KIF1B: variants seen among roughly 807,000 people sequenced by gnomAD.
KIF1B encodes the protein kinesin-like protein KIF1B.
In KIF1B, 76 loss-of-function variants were observed where a neutral mutation model predicts 241.9. The ratio of observed to expected loss-of-function variants is 0.31; its 90% CI spans 0.26 to 0.38. KIF1B has a LOEUF of 0.38. Among genes scored for constraint, KIF1B ranks in the 10% least tolerant of loss-of-function variants. KIF1B has a pLI of 1.00. For synonymous variants in KIF1B, 750 were observed against 796.7 expected (o/e 0.94, Z 0.99); for missense variants, 1,622 against 2,271.4 (o/e 0.71, Z 5.81).
intron 2 of KIF1B, among the ~76,000 whole-genome samples, chr1:10,249,264 C>T (rs144838142): frequency 3.9e-5 from 6 of 152,182 alleles, no homozygotes; most frequent in Non-Finnish European, 5.9e-5. Context: ...TATTTTAGCT[C>T]AGTTGACCTT....
intron 34 of KIF1B, among the ~76,000 whole-genome samples, chr1:10,343,684 G>A (rs1489465683): frequency 6.6e-6 from 1 of 152,138 alleles, no homozygotes; most frequent in African/African-American, 2.4e-5. Context: ...CTTGAACCGG[G>A]GAGGTGGAGG....
At chr1:10,243,246 G>A (rs185930454) in intron 2 of KIF1B, among the ~76,000 whole-genome samples, 2 of 152,098 alleles carry the variant, frequency 1.3e-5, no homozygotes, top group African/African-American at 2.4e-5. Context: ...GTGAAGCCCC[G>A]TCTCTACTAA....
At chr1:10,267,113 G>T (rs1233055070) in intron 5 of KIF1B, among the ~76,000 whole-genome samples, 1 of 151,952 alleles carries the variant, frequency 6.6e-6, no homozygotes, top group East Asian at 1.9e-4. Context: ...CACCTCCCAG[G>T]TACAGGCGAT....
intron 22 of KIF1B, chr1:10,307,397 C>T: frequency 1.7e-6 from 1 of 602,720 alleles, no homozygotes; most frequent in Non-Finnish European, 2.1e-6. Flanking sequence ...GCAACCTCTG[C>T]CTCCTGGGTT....
At chr1:10,300,807 T>TA (rs1650504030) in intron 22 of KIF1B, among the ~76,000 whole-genome samples, 1 of 152,234 alleles carries the variant, frequency 6.6e-6, no homozygotes, top group Non-Finnish European at 1.5e-5. Context: ...TTAGCCATTA[T>TA]GATTTTAAAA....
chr1:10,283,421 C>T (rs1649532375), intron 15 of KIF1B, among the ~76,000 whole-genome samples: 1 of 152,190 alleles, frequency 6.6e-6, no homozygotes, highest in African/African-American at 2.4e-5. Flanking sequence ...TGGCCTATGG[C>T]TCCCAGCTTT....
At chr1:10,348,561 C>T (rs986738431) in intron 36 of KIF1B, 88 bp from the exon 37 acceptor site, 18 of 924,346 alleles carry the variant, frequency 1.9e-5, no homozygotes, top group Non-Finnish European at 3.2e-5. Flanking sequence ...GCTCATCCCC[C>T]ATGCCATGCC....
At chr1:10,215,163 TA>T (rs1557640186) in intron 1 of KIF1B, among the ~76,000 whole-genome samples, 978 of 71,046 alleles carry the variant, frequency 0.014, 7 homozygotes, top group East Asian at 0.04. Context: ...TATATATATA[TA>T]TATATATATT....
At position 10,378,441 on chromosome 1, in the gene KIF1B, G is replaced by A; in HGVS notation, c.*1854G>A. The A allele has an allele frequency of 1.4e-6, 1 of 717,786 alleles. No homozygotes were observed. The highest frequency in any genetic ancestry group is 2.6e-6 in the Non-Finnish European group (1 of 385,164). 44.5% of individuals were successfully genotyped at this position (717,786 alleles called of 1,614,324 possible). ...AGAGGGGAAAAAGAAAGCCTCCAGT[G>A]ACTTCAGTTGCTTTGCCAGTTGTCT... On this transcript the variant is annotated 3_prime_UTR_variant, in exon 49 of 49. Transcript: ENST00000676179.
intron 15 of KIF1B, among the ~76,000 whole-genome samples, chr1:10,287,980 C>T (rs1479045370): frequency 6.6e-6 from 1 of 152,058 alleles, no homozygotes; most frequent in Non-Finnish European, 1.5e-5. Flanking sequence ...TCCTGTTGTC[C>T]TGTCTGTTGA....
chr1:10,268,284 A>G, intron 7 of KIF1B, 21 bp downstream of exon 7: 2 of 1,462,388 alleles, frequency 1.4e-6, no homozygotes, highest in Admixed American at 1.7e-5. Context: ...TTCAGTCTCT[A>G]GGCTTGAGTT....
At chr1:10,224,399 A>G (rs2102110319) in intron 1 of KIF1B, among the ~76,000 whole-genome samples, 1 of 152,226 alleles carries the variant, frequency 6.6e-6, no homozygotes, top group Admixed American at 6.5e-5. Context: ...TACAAGCGTG[A>G]GCTGCCGTGC....
intron 15 of KIF1B, 73 bp downstream of exon 15, chr1:10,282,606 C>CT (rs1649468130): frequency 7.8e-7 from 1 of 1,275,734 alleles, no homozygotes; most frequent in Admixed American, 1.7e-5. Flanking sequence ...GTAAAAATCA[C>CT]TAAGATTTCG....
chr1:10,348,510 A>G, intron 36 of KIF1B, 139 bp from the exon 37 acceptor site: 1 of 714,288 alleles, frequency 1.4e-6, no homozygotes, highest in African/African-American at 1.7e-5. Flanking sequence ...TTGAATAACA[A>G]TGTGGATAGC....
chr1:10,317,957 A>G (rs1343598673), intron 22 of KIF1B, among the ~76,000 whole-genome samples: 2 of 151,632 alleles, frequency 1.3e-5, no homozygotes, highest in African/African-American at 4.9e-5. Flanking sequence ...GTCAAATGCT[A>G]AAATCTTTAT....
intron 22 of KIF1B, chr1:10,305,674 C>T: frequency 9.5e-7 from 1 of 1,056,972 alleles, no homozygotes; most frequent in South Asian, 4.6e-5. Flanking sequence ...ATTAGTAATG[C>T]TTGTAGACAC....
intron 22 of KIF1B, chr1:10,308,669 C>A: frequency 2.0e-6 from 2 of 986,354 alleles, no homozygotes; most frequent in South Asian, 4.8e-5. Context: ...CTGGTTTTGA[C>A]TTTTATTTAT....
intron 2 of KIF1B, among the ~76,000 whole-genome samples, chr1:10,236,175 G>T (rs1285667341): frequency 6.6e-6 from 1 of 151,952 alleles, no homozygotes; most frequent in East Asian, 1.9e-4. Context: ...AGGAGGCTGA[G>T]GCAGAAGAAT....
rs1220464676 is a variant in KIF1B, at chr1:10,368,323, G to A, written c.4753-144G>A. Reference sequence around the variant, plus strand: ...GGAGACCAATGAACGGCAGATGGACGAATGCATAGGGAGAGGAGATGTGGA... The same window carrying A: ...GGAGACCAATGAACGGCAGATGGACAAATGCATAGGGAGAGGAGATGTGGA... On this transcript the variant is annotated intron_variant, in intron 43 of 48. Transcript: ENST00000676179. The A allele has an allele frequency of 5.7e-6, 4 of 704,916 alleles. 1 individual carries two copies. The highest frequency in any genetic ancestry group is 5.1e-6 in the Non-Finnish European group (2 of 389,282). The allele number at this position is 704,916 out of a possible 1,614,324, so 43.7% of individuals were successfully genotyped here.
Sources: allele counts gnomAD v4.1 joint callset (sites outside exome capture counted in the v4.1 genomes callset), GRCh38; gene constraint gnomAD v4.1.1; transcripts MANE v1.5; gene names NCBI Gene and HGNC (gene_info 2026-07-23, HGNC 2026-07-21).